CALN1: variants seen among roughly 807,000 people sequenced by gnomAD.
CALN1 encodes the protein calneuron 1.
Under a neutral mutation model 30.6 loss-of-function variants are expected in CALN1, and 17 were observed. The ratio of observed to expected loss-of-function variants is 0.56; its 90% CI spans 0.38 to 0.83. The LOEUF is 0.83. Ranked by LOEUF, CALN1 falls within the 40% of genes least tolerant of loss-of-function variation. The pLI is 0.00. For missense variants in CALN1, 291 were observed against 354.9 expected, an observed-to-expected ratio of 0.82 and a Z score of 1.45; for synonymous variants, 156 against 131.4, an observed-to-expected ratio of 1.19 and a Z score of -1.28.
At chr7:72,066,802 G>A (rs1233374350) in intron 4 of CALN1, among the ~76,000 whole-genome samples, 6 of 148,818 alleles carry the variant, frequency 4.0e-5, no homozygotes, top group Non-Finnish European at 7.4e-5. Context: ...TTTTTTTTGA[G>A]ACAGAGTCTC....
chr7:72,097,562 C>T (rs10807741), intron 4 of CALN1, among the ~76,000 whole-genome samples: 34,298 of 150,902 alleles, frequency 0.23, 3,920 homozygotes, highest in Admixed American at 0.29. Flanking sequence ...AATCCCAGCA[C>T]TTTGGGAAGC....
chr7:72,215,257 G>A (rs1792701063), intron 3 of CALN1, among the ~76,000 whole-genome samples: 1 of 152,084 alleles, frequency 6.6e-6, no homozygotes, highest in African/African-American at 2.4e-5. Flanking sequence ...GCCTGACCCA[G>A]GCAGAAATGC....
intron 2 of CALN1, among the ~76,000 whole-genome samples, chr7:72,296,359 A>G (rs1385441377): frequency 3.1e-4 from 43 of 139,420 alleles, no homozygotes; most frequent in African/African-American, 1.0e-3. Context: ...CTTTGGTATC[A>G]GAATGATGCT....
At chr7:72,255,928 C>A (rs1466241904) in intron 3 of CALN1, among the ~76,000 whole-genome samples, 4 of 152,004 alleles carry the variant, frequency 2.6e-5, no homozygotes, top group Non-Finnish European at 5.9e-5. Context: ...TGAGGTTTCA[C>A]CATGTTGGTC....
At chr7:71,952,591 G>A (rs761035863) in intron 5 of CALN1, among the ~76,000 whole-genome samples, 27 of 152,086 alleles carry the variant, frequency 1.8e-4, no homozygotes, top group Admixed American at 3.3e-4. Context: ...CATCACTTCC[G>A]TGACCCAAGG....
the CALN1 span, among the ~76,000 whole-genome samples, chr7:72,474,115 GA>G: frequency 6.6e-6 from 1 of 152,078 alleles, no homozygotes; most frequent in South Asian, 2.1e-4. Flanking sequence ...TCTACCAGCA[GA>G]AATCAATTGC....
At chr7:72,199,504 GAGACAAGGAGTTCA>G (rs1274958397) in intron 3 of CALN1, among the ~76,000 whole-genome samples, 1 of 152,090 alleles carries the variant, frequency 6.6e-6, no homozygotes, top group East Asian at 1.9e-4. Flanking sequence ...CCAGGAGTTC[GAGACAAGGAGTTCA>G]AGACCAGCTT....
chr7:72,501,928 A>AAAAAAAAAT, the CALN1 span, among the ~76,000 whole-genome samples: 1 of 57,968 alleles, frequency 1.7e-5, no homozygotes, highest in African/African-American at 9.9e-5. Context: ...AAAAAAAAAA[A>AAAAAAAAAT]ATATATATAT....
intron 4 of CALN1, among the ~76,000 whole-genome samples, chr7:72,052,994 C>T (rs919162088): frequency 2.0e-5 from 3 of 152,130 alleles, no homozygotes; most frequent in African/African-American, 7.2e-5. Context: ...CTTTGGGAGG[C>T]CAAGGAGGGA....
intron 5 of CALN1, among the ~76,000 whole-genome samples, chr7:72,002,166 C>A (rs1404193307): frequency 6.6e-6 from 1 of 152,204 alleles, no homozygotes; most frequent in Non-Finnish European, 1.5e-5. Flanking sequence ...CAACATCATA[C>A]AGATGCTCCT....
intron 3 of CALN1, among the ~76,000 whole-genome samples, chr7:72,180,152 C>A (rs970827233): frequency 1.3e-5 from 2 of 152,170 alleles, no homozygotes; most frequent in African/African-American, 4.8e-5. Context: ...CACGGGGTAT[C>A]ATTTAGTTTG....
chr7:71,912,994 G>C (rs952275333), intron 5 of CALN1, among the ~76,000 whole-genome samples: 11 of 152,196 alleles, frequency 7.2e-5, no homozygotes, highest in African/African-American at 2.2e-4. Context: ...TGATTGTGAA[G>C]CAGCACCCAT....
At chr7:72,406,602 G>C (rs953704820) in intron 1 of CALN1, among the ~76,000 whole-genome samples, 4 of 147,640 alleles carry the variant, frequency 2.7e-5, no homozygotes, top group African/African-American at 1.0e-4. Flanking sequence ...ACCCACATGA[G>C]GGTCCTTGTC....
At chr7:72,467,779 G>A in the CALN1 span, among the ~76,000 whole-genome samples, 2 of 152,116 alleles carry the variant, frequency 1.3e-5, no homozygotes, top group Non-Finnish European at 2.9e-5. Context: ...ATCTTAAAGT[G>A]AATAACTTAG....
At chr7:72,019,093 C>T (rs536653619) in intron 5 of CALN1, among the ~76,000 whole-genome samples, 8 of 151,930 alleles carry the variant, frequency 5.3e-5, no homozygotes, top group African/African-American at 1.4e-4. Context: ...TCAACTGATC[C>T]GCCCACCTCG....
intron 3 of CALN1, among the ~76,000 whole-genome samples, chr7:72,177,109 A>C (rs4295535): frequency 0.99 from 150,689 of 152,230 alleles, 74,599 homozygotes; most frequent in Middle Eastern, 1. Context: ...AATCCTTAAA[A>C]GTGATGACAA....
chr7:72,208,408 G>A (rs1792050179), intron 3 of CALN1, among the ~76,000 whole-genome samples: 1 of 152,310 alleles, frequency 6.6e-6, no homozygotes, highest in South Asian at 2.1e-4. Context: ...AGAGCAGAAT[G>A]TATTTAAAAT....
At chr7:71,876,994 T>A (rs1244337427) in intron 5 of CALN1, among the ~76,000 whole-genome samples, 1 of 152,204 alleles carries the variant, frequency 6.6e-6, no homozygotes, top group Non-Finnish European at 1.5e-5. Flanking sequence ...AAGCAATCAA[T>A]TAGAACCCTT....
rs142562616 is a variant in CALN1 at position 72,113,038 on chromosome 7, C to T, written c.245-6744G>A. On this transcript the variant is annotated intron_variant, in intron 3 of 6. Transcript: ENST00000395275. ...TCTGGCTGCCCGGTGGGTGGAGAAA[C>T]GAGAAACACTGAGAGATGAGAGTGG... Among the ~76,000 whole-genome samples the T allele has an allele frequency of 5.3e-5, 8 of 152,140 alleles. No homozygotes were observed. The South Asian group carries it at 6.2e-4, about 12-fold the overall frequency.
Sources: gnomAD v4.1 joint callset for allele counts (sites outside exome capture counted in the v4.1 genomes callset) on GRCh38, gnomAD v4.1.1 for gene constraint, MANE v1.5 for transcripts, NCBI Gene and HGNC (gene_info 2026-07-23, HGNC 2026-07-21) for gene names.